Variants in EPHB2 observed in about 807,000 individuals in gnomAD.
The protein encoded by EPHB2 is ephrin type-B receptor 2.
A neutral mutation model predicts 96.4 loss-of-function variants in EPHB2; 18 were observed. That is an observed-to-expected ratio of 0.19 (90% CI 0.13 to 0.28). The LOEUF is 0.28. Ranked by LOEUF, EPHB2 falls within the 10% of genes least tolerant of loss-of-function variation. The pLI, the probability that EPHB2 is intolerant of heterozygous loss-of-function variation, is 1.00. For missense variants in EPHB2, 989 were observed against 1,355.4 expected (o/e 0.73, Z 4.25); for synonymous variants, 506 against 534.1 (o/e 0.95, Z 0.72).
chr1:22,879,336 G>A (rs906685176), intron 5 of EPHB2, among the ~76,000 whole-genome samples: 1 of 152,212 alleles, frequency 6.6e-6, no homozygotes, highest in Admixed American at 6.5e-5. Context: ...ATTGGCCCTG[G>A]TCAGTGACAC....
rs1640290392 is a variant in EPHB2, at chr1:22,917,141, C to A, written c.*3571C>A. On this transcript the variant is annotated 3_prime_UTR_variant, in exon 16 of 16. Transcript: ENST00000374630. ...ACTCAGATGGCATCAGCTGAACTTT[C>A]CCCATCATTTCTAGTTGGTCCCCAC... The A allele has an allele frequency of 6.6e-6, 1 of 152,360 alleles. No individual in the cohort carries two copies. 9.4% of individuals were successfully genotyped at this position (152,360 alleles called of 1,614,324 possible).
chr1:22,900,670 G>A (rs1639721002), intron 9 of EPHB2, among the ~76,000 whole-genome samples: 1 of 152,160 alleles, frequency 6.6e-6, no homozygotes, highest in African/African-American at 2.4e-5. Context: ...AAGGAAACAG[G>A]TGGGGTCTAT....
intron 1 of EPHB2, among the ~76,000 whole-genome samples, chr1:22,772,029 C>G (rs944721277): frequency 6.6e-6 from 1 of 152,116 alleles, no homozygotes; most frequent in African/African-American, 2.4e-5. Flanking sequence ...CCCTTCTTTC[C>G]CTTCCCCAGC....
Position 22,913,735 on chromosome 1 carries a change from A to G in EPHB2, c.*165A>G. ...AGCCACGAGACGTCACCAAGAAAACATGCAACTCAAACGACGGAAAAAAAA... is the reference window on the plus strand; with the variant it reads ...AGCCACGAGACGTCACCAAGAAAACGTGCAACTCAAACGACGGAAAAAAAA... On this transcript the variant is annotated 3_prime_UTR_variant, in exon 16 of 16. Transcript: ENST00000374630. The surrounding 1 kb of genome is among the most constrained non-coding windows in gnomAD (Gnocchi z 4.1). 6.2e-7 allele frequency: 1 copy of G among 1,604,076 alleles called. No homozygotes were observed. The highest frequency in any genetic ancestry group is 8.5e-7 in the Non-Finnish European group (1 of 1,175,168).
chr1:22,791,849 G>A (rs1198383436), intron 3 of EPHB2, among the ~76,000 whole-genome samples: 1 of 152,132 alleles, frequency 6.6e-6, no homozygotes, highest in African/African-American at 2.4e-5. Flanking sequence ...ATTTGCGTAG[G>A]ATACATTTCT....
intron 1 of EPHB2, among the ~76,000 whole-genome samples, chr1:22,728,259 A>G (rs189247088): frequency 2.3e-4 from 35 of 152,340 alleles, no homozygotes; most frequent in Admixed American, 1.5e-3. Flanking sequence ...AGGAATACAT[A>G]TGATTTACGG....
Position 22,838,018 on chromosome 1 carries a change from T to C in EPHB2, c.812-25019T>C, listed in dbSNP as rs532568232. On this transcript the variant is annotated intron_variant, in intron 3 of 15. Coordinates refer to ENST00000374630, the MANE Select transcript of EPHB2 (RefSeq NM_017449.5). The stretch of plus-strand genomic sequence containing the variant: ...ATCCCTTTATGTCTCTGTTCTTTCA[T>C]CTTTCCTGAAAAAGCAGAGGTGGCC... 3.9e-4 allele frequency among the ~76,000 whole-genome samples: 59 copies of C among 152,318 alleles called. 1 individual carries two copies. Among genetic ancestry groups the C allele is most frequent in the Admixed American group, 1.5e-3 (23 of 15,292 alleles).
At chr1:22,716,814 G>T (rs1643306038) in intron 1 of EPHB2, among the ~76,000 whole-genome samples, 1 of 152,214 alleles carries the variant, frequency 6.6e-6, no homozygotes, top group Non-Finnish European at 1.5e-5. Flanking sequence ...TGCCTGGGCT[G>T]GGCAAGGCAG....
Position 22,741,322 on chromosome 1 carries a change from C to G in EPHB2, c.61+30279C>G, listed in dbSNP as rs59828968. ...TCTGTCCCCTCTACTTTATCCTCCC[C>G]CTAAGTAAAACTCCTTAAAACCGCG... On this transcript the variant is annotated intron_variant, in intron 1 of 15. Transcript: ENST00000374630. Among the ~76,000 whole-genome samples the G allele has an allele frequency of 8.6e-3, 1,308 of 152,174 alleles. 23 individuals carry two copies. The highest frequency in any genetic ancestry group is 0.068 in the East Asian group (354 of 5,170).
chr1:22,900,602 A>G (rs1570458086), intron 9 of EPHB2, among the ~76,000 whole-genome samples: 1 of 152,248 alleles, frequency 6.6e-6, no homozygotes, highest in South Asian at 2.1e-4. Flanking sequence ...ATAGGCTCCC[A>G]TGCTCCGTCT....
At chr1:22,826,541 T>C (rs527288731) in intron 3 of EPHB2, among the ~76,000 whole-genome samples, 1 of 152,360 alleles carries the variant, frequency 6.6e-6, no homozygotes, top group Admixed American at 6.5e-5. Context: ...GCATCCTTGC[T>C]CCTGGCATCG....
chr1:22,824,051 T>C (rs1218011341), intron 3 of EPHB2, among the ~76,000 whole-genome samples: 3 of 152,326 alleles, frequency 2.0e-5, no homozygotes, highest in Non-Finnish European at 4.4e-5. Flanking sequence ...AGTGGACATA[T>C]TCATGCTAAA....
At chr1:22,871,800 G>A (rs1433358958) in intron 5 of EPHB2, among the ~76,000 whole-genome samples, 1 of 152,096 alleles carries the variant, frequency 6.6e-6, no homozygotes, top group East Asian at 1.9e-4. Context: ...GGTGGATCAC[G>A]AGGTCAGGAG....
chr1:22,726,963 A>G (rs1643595484), intron 1 of EPHB2, among the ~76,000 whole-genome samples: 1 of 152,230 alleles, frequency 6.6e-6, no homozygotes, highest in Non-Finnish European at 1.5e-5. Flanking sequence ...GCAAAGGCCT[A>G]GAGGCTGGAA....
intron 3 of EPHB2, among the ~76,000 whole-genome samples, chr1:22,855,242 C>T (rs1225842836): frequency 6.6e-6 from 1 of 152,226 alleles, no homozygotes; most frequent in Non-Finnish European, 1.5e-5. Flanking sequence ...CGCCAGCCCC[C>T]CTACTCTGGG....
chr1:22,840,375 G>A (rs996375032), intron 3 of EPHB2, among the ~76,000 whole-genome samples: 18 of 152,352 alleles, frequency 1.2e-4, no homozygotes, highest in African/African-American at 4.3e-4. Context: ...AGAGGAGGAA[G>A]TCTGGGACAC....
intron 3 of EPHB2, among the ~76,000 whole-genome samples, chr1:22,827,785 T>C (rs143646879): frequency 2.2e-3 from 331 of 152,336 alleles, no homozygotes; most frequent in Non-Finnish European, 3.5e-3. Flanking sequence ...AACCCTCCTG[T>C]TCCCTGTCTC....
intron 3 of EPHB2, among the ~76,000 whole-genome samples, chr1:22,807,130 C>G (rs1644938589): frequency 6.6e-6 from 1 of 152,222 alleles, no homozygotes; most frequent in Admixed American, 6.5e-5. Context: ...CTGTCACCTC[C>G]CCTTCTCCCC....
chr1:22,831,165 T>C (rs577998640), intron 3 of EPHB2, among the ~76,000 whole-genome samples: 1 of 152,136 alleles, frequency 6.6e-6, no homozygotes, highest in East Asian at 1.9e-4. Flanking sequence ...CCTGTACACT[T>C]TGAAGAACAG....
Sources: gnomAD v4.1 joint callset for allele counts (sites outside exome capture counted in the v4.1 genomes callset) on GRCh38, gnomAD v4.1.1 for gene constraint, Gnocchi (gnomAD v3.1) non-coding constraint, MANE v1.5 for transcripts, NCBI Gene and HGNC (gene_info 2026-07-23, HGNC 2026-07-21) for gene names.